Variants in CAMTA1 observed in about 807,000 individuals in gnomAD.
The protein encoded by CAMTA1 is calmodulin binding transcription activator 1.
A neutral mutation model predicts 170.9 loss-of-function variants in CAMTA1; 27 were observed. The ratio of observed to expected loss-of-function variants is 0.16; its 90% CI spans 0.12 to 0.22. The LOEUF is 0.22. Among genes scored for constraint, CAMTA1 ranks in the 10% least tolerant of loss-of-function variants. The pLI, the probability that CAMTA1 is intolerant of heterozygous loss-of-function variation, is 1.00. For missense variants in CAMTA1, 1,619 were observed against 2,217.2 expected (o/e 0.73, Z 5.42); for synonymous variants, 833 against 891.5 (o/e 0.93, Z 1.17).
At chr1:7,438,809 G>A (rs892378943) in intron 5 of CAMTA1, among the ~76,000 whole-genome samples, 2 of 152,200 alleles carry the variant, frequency 1.3e-5, no homozygotes, top group Admixed American at 6.5e-5. Context: ...CTGACCTGCT[G>A]TTACTGAGCA....
intron 6 of CAMTA1, among the ~76,000 whole-genome samples, chr1:7,601,290 CCTCACTT>C (rs2095440123): frequency 6.6e-6 from 1 of 151,992 alleles, no homozygotes; most frequent in Non-Finnish European, 1.5e-5. Context: ...CAGAGGGTCT[CCTCACTT>C]CTCAGACGGT....
intron 5 of CAMTA1, among the ~76,000 whole-genome samples, chr1:7,354,659 C>T (rs845200): frequency 0.4 from 61,234 of 152,080 alleles, 13,297 homozygotes; most frequent in Non-Finnish European, 0.48. Flanking sequence ...TCCACAGTGG[C>T]TGCACTAATT....
intron 1 of CAMTA1, among the ~76,000 whole-genome samples, chr1:6,810,852 T>C (rs1286466179): frequency 1.3e-5 from 2 of 151,992 alleles, no homozygotes; most frequent in Non-Finnish European, 2.9e-5. Context: ...AGGAGGTCCA[T>C]CATAAAGTTT....
At chr1:7,636,253 A>G (rs777555412) in intron 6 of CAMTA1, among the ~76,000 whole-genome samples, 2 of 152,144 alleles carry the variant, frequency 1.3e-5, no homozygotes, top group Non-Finnish European at 1.5e-5. Flanking sequence ...TCCACTGACC[A>G]CTGGATCTGT....
chr1:7,540,845 G>A (rs12407666), intron 6 of CAMTA1, among the ~76,000 whole-genome samples: 56,191 of 152,140 alleles, frequency 0.37, 10,480 homozygotes, highest in South Asian at 0.42. Context: ...CAATCATAGA[G>A]GCTTTGGCCT....
At chr1:6,998,611 C>G (rs955339610) in intron 3 of CAMTA1, among the ~76,000 whole-genome samples, 1 of 152,250 alleles carries the variant, frequency 6.6e-6, no homozygotes, top group Non-Finnish European at 1.5e-5. Context: ...ATAGCACCGT[C>G]TGGTGCACCT....
intron 5 of CAMTA1, among the ~76,000 whole-genome samples, chr1:7,318,115 G>A (rs1376779750): frequency 2.0e-5 from 3 of 152,246 alleles, no homozygotes; most frequent in Admixed American, 6.5e-5. Context: ...TGCCAGTGCA[G>A]AAGCAGGGAG....
intron 5 of CAMTA1, among the ~76,000 whole-genome samples, chr1:7,274,519 C>T (rs1343220524): frequency 2.0e-5 from 3 of 152,140 alleles, no homozygotes; most frequent in Admixed American, 1.3e-4. Flanking sequence ...ATTCTTTTCT[C>T]AGTGATGCAT....
At chr1:7,006,333 A>G (rs1004835038) in intron 3 of CAMTA1, among the ~76,000 whole-genome samples, 1 of 152,190 alleles carries the variant, frequency 6.6e-6, no homozygotes, top group Non-Finnish European at 1.5e-5. Context: ...GAAAATTTAT[A>G]AAGTACATAA....
At position 7,747,799 on chromosome 1, in the gene CAMTA1, A is replaced by G; in HGVS notation, c.4689+18A>G. ...ATAAACAGGTAAACCTCAGTTTTGCACCACAGAAGGAAACTGTGCCCCACC... is the reference window on the plus strand; with the variant it reads ...ATAAACAGGTAAACCTCAGTTTTGCGCCACAGAAGGAAACTGTGCCCCACC... On this transcript the variant is annotated intron_variant, in intron 19 of 22. Transcript: ENST00000303635. 1 of 1,591,738 alleles carries G rather than the reference A, an allele frequency of 6.3e-7. No individual in the cohort carries two copies. The highest frequency in any genetic ancestry group is 8.6e-7 in the Non-Finnish European group (1 of 1,163,866).
intron 6 of CAMTA1, 98 bp downstream of exon 6, chr1:7,467,999 C>A (rs1344960151): frequency 2.0e-6 from 2 of 976,908 alleles, no homozygotes; most frequent in African/African-American, 1.6e-5. Flanking sequence ...GACACGGCTT[C>A]GGGCTGAGAG....
intron 11 of CAMTA1, chr1:7,693,888 A>C (rs7551807): frequency 0.28 from 42,380 of 152,150 alleles, 6,318 homozygotes; most frequent in Middle Eastern, 0.42. Flanking sequence ...CCTAAGTCAC[A>C]TTGTTGGTCT....
chr1:7,102,868 C>T (rs566929169), intron 4 of CAMTA1, among the ~76,000 whole-genome samples: 26 of 152,214 alleles, frequency 1.7e-4, no homozygotes, highest in Non-Finnish European at 2.6e-4. Context: ...TGCGTGACAC[C>T]GAACTGTCAC....
chr1:7,125,949 AAG>A (rs905887439), intron 4 of CAMTA1, among the ~76,000 whole-genome samples: 1 of 152,184 alleles, frequency 6.6e-6, no homozygotes. Context: ...TATAAAGAAA[AAG>A]AGGTTTGAGG....
In CAMTA1 at chr1:7,641,578, C is replaced by T. The variant is rs568533663; in HGVS notation, c.664+1025C>T. 2.1e-4 allele frequency among the ~76,000 whole-genome samples: 32 copies of T among 152,210 alleles called. No individual in the cohort carries two copies. The highest frequency in any genetic ancestry group is 4.1e-4 in the South Asian group (2 of 4,820). On this transcript the variant is annotated intron_variant, in intron 7 of 22. Transcript: ENST00000303635. This position sits in a 1 kb window ranked among gnomAD's most constrained non-coding sequence, Gnocchi z 4.5. Reference sequence around the variant, plus strand: ...TAATCCTGAGAGTCCCCTGGGTGCTCGGATTTAGGGATCTGCTCCCAGCCT... The same window carrying T: ...TAATCCTGAGAGTCCCCTGGGTGCTTGGATTTAGGGATCTGCTCCCAGCCT...
rs148662406 is a variant in CAMTA1, at chr1:7,370,528, C to T, written c.439-97302C>T. On this transcript the variant is annotated intron_variant, in intron 5 of 22. Coordinates refer to ENST00000303635, the MANE Select transcript of CAMTA1 (RefSeq NM_015215.4). ...AATCCATTACTGTCCGGGTCGTATT[C>T]GAGGGAAGACACACATTCCTGGAAA... 5.6e-3 allele frequency among the ~76,000 whole-genome samples: 848 copies of T among 152,204 alleles called. 6 individuals carry two copies. The highest frequency in any genetic ancestry group is 0.02 in the African/African-American group (811 of 41,508).
chr1:6,861,481 A>G (rs1458642051), intron 3 of CAMTA1, among the ~76,000 whole-genome samples: 2 of 152,228 alleles, frequency 1.3e-5, no homozygotes, highest in African/African-American at 4.8e-5. Flanking sequence ...GAATATTTGT[A>G]GGACGTACTG....
chr1:7,655,407 C>A (rs1019606196), intron 7 of CAMTA1, among the ~76,000 whole-genome samples: 1 of 81,474 alleles, frequency 1.2e-5, no homozygotes, highest in African/African-American at 4.0e-5. Flanking sequence ...AATACACCCA[C>A]CTATACACAC....
intron 4 of CAMTA1, among the ~76,000 whole-genome samples, chr1:7,233,832 C>T (rs977797892): frequency 1.1e-4 from 16 of 152,160 alleles, no homozygotes; most frequent in Non-Finnish European, 1.6e-4. Context: ...CTGACTTTTA[C>T]TCTCTTTAAT....
Sources: gnomAD v4.1 joint callset for allele counts (sites outside exome capture counted in the v4.1 genomes callset) on GRCh38, gnomAD v4.1.1 for gene constraint, Gnocchi (gnomAD v3.1) non-coding constraint, MANE v1.5 for transcripts, NCBI Gene and HGNC (gene_info 2026-07-23, HGNC 2026-07-21) for gene names.